Variants in FCHO2 observed in about 807,000 individuals in gnomAD.
FCHO2 encodes FCH and mu domain containing endocytic adaptor 2.
FCHO2 carries 43 observed loss-of-function variants against 114.1 expected under a neutral mutation model. That is an observed-to-expected ratio of 0.38 (90% CI 0.30 to 0.49). The LOEUF (loss-of-function observed/expected upper bound fraction) is 0.49. Among genes scored for constraint, FCHO2 ranks in the 20% least tolerant of loss-of-function variants. FCHO2 has a pLI of 0.97. For synonymous variants in FCHO2, 293 were observed against 315.2 expected (o/e 0.93, Z 0.75); for missense variants, 807 against 950.4 (o/e 0.85, Z 1.98).
At chr5:72,965,290 C>T (rs1048656513) in intron 1 of FCHO2, among the ~76,000 whole-genome samples, 1 of 152,108 alleles carries the variant, frequency 6.6e-6, no homozygotes, top group Admixed American at 6.5e-5. Flanking sequence ...TTTTTCAGTG[C>T]ATATAAAAGT....
At chr5:73,061,007 CAAAA>C (rs202006082) in intron 17 of FCHO2, among the ~76,000 whole-genome samples, 1 of 129,468 alleles carries the variant, frequency 7.7e-6, no homozygotes, top group African/African-American at 2.9e-5. Context: ...CTTGTGCTCA[CAAAA>C]AAAAAAAAAA....
intron 8 of FCHO2, among the ~76,000 whole-genome samples, chr5:73,032,754 G>A (rs999591962): frequency 3.9e-5 from 6 of 152,166 alleles, no homozygotes; most frequent in South Asian, 2.1e-4. Flanking sequence ...TAGAGATTCT[G>A]TAAATAGTTA....
rs1398990540 is a variant in FCHO2, at chr5:72,971,247, C to G, written c.125+2658C>G. On this transcript the variant is annotated intron_variant, in intron 2 of 25. Transcript: ENST00000430046. ...GGGATGGCTGGGTCAAATGGTATTT[C>G]TAGTTCTAGATCCCTGAGGAATCGC... Among the ~76,000 whole-genome samples the G allele has an allele frequency of 4.9e-3, 749 of 152,154 alleles. 7 individuals are homozygous for G. The highest frequency in any genetic ancestry group is 0.017 in the African/African-American group (721 of 41,536).
At chr5:73,017,988 C>G (rs1055451745) in intron 8 of FCHO2, among the ~76,000 whole-genome samples, 2 of 152,082 alleles carry the variant, frequency 1.3e-5, no homozygotes, top group African/African-American at 4.8e-5. Flanking sequence ...TACTTACAGT[C>G]CTCCAGATTT....
chr5:72,997,657 C>A (rs1270503388), intron 5 of FCHO2: 1 of 1,518,536 alleles, frequency 6.6e-7, no homozygotes, highest in Non-Finnish European at 9.1e-7. Flanking sequence ...AGCTGCTCCC[C>A]CTTCACCTGA....
At chr5:72,975,102 A>C (rs1752784251) in intron 2 of FCHO2, among the ~76,000 whole-genome samples, 1 of 152,156 alleles carries the variant, frequency 6.6e-6, no homozygotes, top group Admixed American at 6.5e-5. Flanking sequence ...CTCTCTGACT[A>C]GGTCAAAAAC....
At chr5:72,991,432 T>G (rs1753806263) in intron 5 of FCHO2, among the ~76,000 whole-genome samples, 2 of 152,246 alleles carry the variant, frequency 1.3e-5, no homozygotes, top group Admixed American at 6.5e-5. Flanking sequence ...ATAATTGAGG[T>G]AATTACTTTG....
chr5:73,029,825 G>C (rs1756133947), intron 8 of FCHO2, among the ~76,000 whole-genome samples: 2 of 152,094 alleles, frequency 1.3e-5, no homozygotes. Flanking sequence ...ATTACCAAGG[G>C]GATGATGCTA....
At position 72,996,243 on chromosome 5, in the gene FCHO2, C is replaced by CAA. The variant is rs371371047; in HGVS notation, c.495+5395_495+5396dup. On this transcript the variant is annotated intron_variant, in intron 5 of 25. Coordinates refer to ENST00000430046, the MANE Select transcript of FCHO2 (RefSeq NM_138782.3). ...GGGCAACAAGAACGAAACTCTGTCT[C>CAA]AAAAAAAAAAAAAAAAATCCTGTTA... Among the ~76,000 whole-genome samples, 422 of 110,932 alleles carry CAA rather than the reference C, an allele frequency of 3.8e-3. 7 individuals are homozygous for CAA. Among genetic ancestry groups the CAA allele is most frequent in the East Asian group, 9.5e-3 (33 of 3,484 alleles). The allele number at this position is 110,932 out of a possible 152,430, so 72.8% of individuals were successfully genotyped here.
intron 16 of FCHO2, among the ~76,000 whole-genome samples, chr5:73,057,620 CT>C (rs2112849642): frequency 6.6e-6 from 1 of 152,196 alleles, no homozygotes; most frequent in Admixed American, 6.5e-5. Flanking sequence ...TCACTTTACC[CT>C]TTTTCTTCAT....
chr5:72,988,980 G>A (rs1333702926), intron 2 of FCHO2, among the ~76,000 whole-genome samples: 1 of 152,162 alleles, frequency 6.6e-6, no homozygotes, highest in Non-Finnish European at 1.5e-5. Context: ...AGGCCTAGGT[G>A]GGAGGATTGC....
At chr5:72,965,431 C>T (rs1188853094) in intron 1 of FCHO2, among the ~76,000 whole-genome samples, 1 of 152,130 alleles carries the variant, frequency 6.6e-6, no homozygotes, top group African/African-American at 2.4e-5. Context: ...TGAGCACATG[C>T]AGTTGGAAAA....
At position 72,960,804 on chromosome 5, in the gene FCHO2, C is replaced by T. The variant is rs78489260; in HGVS notation, c.33+4675C>T. ...TGTAAAACATACCTGAGTTGAATAG[C>T]TTATAATCTTCATTTTACAGAGTAA... On this transcript the variant is annotated intron_variant, in intron 1 of 25. Coordinates refer to ENST00000430046, the MANE Select transcript of FCHO2 (RefSeq NM_138782.3). Among the ~76,000 whole-genome samples, 294 of 152,194 alleles carry T rather than the reference C, an allele frequency of 1.9e-3. 3 individuals carry two copies. The highest frequency in any genetic ancestry group is 6.4e-3 in the African/African-American group (265 of 41,530).
rs554659217 is a variant in FCHO2 at position 73,088,428 on chromosome 5, A to G, written c.*338A>G. ...AGTGTAATATCAGGCCTAAAGTTTC[A>G]GAAGAGCAAGCACAAAGTAATTTAG... On this transcript the variant is annotated 3_prime_UTR_variant, in exon 26 of 26. Transcript: ENST00000430046. 4.0e-4 allele frequency: 88 copies of G among 221,620 alleles called. No homozygotes were observed. In the East Asian group the frequency reaches 7.4e-3, roughly 19 times the overall value. The allele number at this position is 221,620 out of a possible 1,614,324, so 13.7% of individuals were successfully genotyped here.
chr5:73,048,939 C>G (rs1235723308), intron 11 of FCHO2, among the ~76,000 whole-genome samples: 1 of 142,196 alleles, frequency 7.0e-6, no homozygotes, highest in Non-Finnish European at 1.5e-5. Flanking sequence ...TGCAGTGGCG[C>G]GATCTCGGCT....
At chr5:73,038,802 G>T (rs1439308429) in intron 10 of FCHO2, among the ~76,000 whole-genome samples, 1 of 151,984 alleles carries the variant, frequency 6.6e-6, no homozygotes, top group African/African-American at 2.4e-5. Context: ...TTTTTAAGGG[G>T]GTGAAACCTA....
At chr5:73,079,701 A>T (rs1743029705) in intron 22 of FCHO2, among the ~76,000 whole-genome samples, 1 of 152,226 alleles carries the variant, frequency 6.6e-6, no homozygotes, top group Admixed American at 6.5e-5. Context: ...TTATACGAGG[A>T]TTCTTTTTAA....
At chr5:73,076,188 G>A (rs1021226911) in intron 20 of FCHO2, among the ~76,000 whole-genome samples, 2 of 152,092 alleles carry the variant, frequency 1.3e-5, no homozygotes, top group African/African-American at 4.8e-5. Context: ...TGCTTGACAG[G>A]TCAAGAAAAA....
At chr5:72,968,459 C>A in intron 1 of FCHO2, 39 bp from the exon 2 acceptor site, 11 of 1,354,492 alleles carry the variant, frequency 8.1e-6, no homozygotes, top group Non-Finnish European at 1.1e-5. Context: ...TCATTTTTAT[C>A]TGTTTTTTTA....
Sources: allele counts gnomAD v4.1 joint callset (sites outside exome capture counted in the v4.1 genomes callset), GRCh38; gene constraint gnomAD v4.1.1; transcripts MANE v1.5; gene names NCBI Gene and HGNC (gene_info 2026-07-23, HGNC 2026-07-21).